The following FRMPD3 variants were observed in gnomAD, a reference collection of about 807,000 sequenced individuals.
FRMPD3 encodes the protein FERM and PDZ domain containing 3, also known as FERM and PDZ domain-containing protein 3.
A neutral mutation model predicts 97.9 loss-of-function variants in FRMPD3; 42 were observed. That is an observed-to-expected ratio of 0.43 (90% confidence interval 0.34 to 0.55). The LOEUF is 0.55. FRMPD3 is among the 20% of genes least tolerant of loss of function. The pLI is 0.03. For missense variants in FRMPD3, 1,303 were observed against 1,457.7 expected, an observed-to-expected ratio of 0.89 and a Z score of 1.73; for synonymous variants, 577 against 581.1, an observed-to-expected ratio of 0.99 and a Z score of 0.10.
chrX:107,554,147 T>A (rs1921980084), intron 7 of FRMPD3, among the ~76,000 whole-genome samples: 1 of 111,376 alleles, frequency 9.0e-6, no homozygotes, highest in South Asian at 3.8e-4. Context: ...AAAGGTCATG[T>A]CCTAGATAAG....
At chrX:107,596,125 A>G (rs1447410741) in intron 13 of FRMPD3, among the ~76,000 whole-genome samples, 2 of 110,888 alleles carry the variant, frequency 1.8e-5, no homozygotes, top group Admixed American at 9.7e-5. Context: ...GAAAGGCAAC[A>G]CTGGCATATT....
intron 1 of FRMPD3, among the ~76,000 whole-genome samples, chrX:107,503,948 G>C (rs1281727737): frequency 8.9e-6 from 1 of 112,513 alleles, no homozygotes; most frequent in Non-Finnish European, 1.9e-5. Context: ...ATTTCCCCAG[G>C]AGACCGCACA....
chrX:107,593,958 G>A (rs982966073), intron 13 of FRMPD3, among the ~76,000 whole-genome samples: 9 of 111,655 alleles, frequency 8.1e-5, no homozygotes, highest in South Asian at 3.7e-4. Context: ...TTTGCAGATC[G>A]CTTTTAGCAG....
chrX:107,552,338 A>G (rs1921898062), intron 6 of FRMPD3, among the ~76,000 whole-genome samples: 1 of 112,520 alleles, frequency 8.9e-6, no homozygotes, highest in African/African-American at 3.2e-5. Flanking sequence ...ATGCTTTTTA[A>G]TCATATAAAT....
intron 1 of FRMPD3, among the ~76,000 whole-genome samples, chrX:107,489,298 G>A (rs1323368931): frequency 2.7e-5 from 3 of 110,400 alleles, no homozygotes; most frequent in African/African-American, 6.6e-5. Context: ...ATAAACATAC[G>A]TGTGCATGTG....
At chrX:107,451,412 G>A (rs923230027) in intron 1 of FRMPD3, among the ~76,000 whole-genome samples, 35 of 112,154 alleles carry the variant, frequency 3.1e-4, no homozygotes, top group African/African-American at 1.0e-3. Flanking sequence ...CTCCACCTGG[G>A]CCTAGAGGAC....
At position 107,554,402 on chromosome X, in the gene FRMPD3, C is replaced by T; in HGVS notation, c.660C>T (p.His220=). Residue 220 remains histidine, a synonymous_variant, in exon 8 of 15, where the codon CAC becomes CAT. Transcript: ENST00000683843. Reference sequence around the variant, plus strand: ...GAATTCAGGTGGTACAGCGGACACACTATCATGGAATGAAATGCCTCTTCC... The same window carrying T: ...GAATTCAGGTGGTACAGCGGACACATTATCATGGAATGAAATGCCTCTTCC... ...QPLAYVVQRT[H]YHGMKCLFRI... is the part of the protein sequence containing the mutation. 3 of 1,209,211 alleles carry T rather than the reference C, an allele frequency of 2.5e-6. No individual in the cohort carries two copies. The highest frequency in any genetic ancestry group is 3.0e-5 in the East Asian group (1 of 33,794).
At chrX:107,511,719 G>C (rs1276394728) in intron 1 of FRMPD3, among the ~76,000 whole-genome samples, 1 of 112,602 alleles carries the variant, frequency 8.9e-6, no homozygotes, top group Admixed American at 9.3e-5. Context: ...CTACTTGTTG[G>C]GAAGTTCCCA....
rs759468155 is a variant in FRMPD3, at chrX:107,603,177, G to A, written c.5138G>A (p.Arg1713His). The change falls in exon 15 of 15, where the codon CGT (arginine) becomes CAT (histidine). Residue 1713 changes from arginine to histidine, a missense_variant. Transcript: ENST00000683843. Reference protein sequence around the residue: ...LLRAAEESTARNLNQQQQQQQ... With the variant: ...LLRAAEESTAHNLNQQQQQQQ... ...CGTGCAGCTGAGGAGTCCACAGCCC[G>A]TAACCTTAACCAGCAGCAGCAGCAA... The A allele has an allele frequency of 1.9e-5, 20 of 1,071,623 alleles. No individual in the cohort carries two copies. Among genetic ancestry groups the A allele is most frequent in the Admixed American group, 6.1e-5 (2 of 32,709 alleles). The allele number at this position is 1,071,623 out of a possible 1,213,427, so 88.3% of individuals were successfully genotyped here.
chrX:107,566,066 A>G (rs753515791), intron 12 of FRMPD3, among the ~76,000 whole-genome samples: 1 of 111,978 alleles, frequency 8.9e-6, no homozygotes, highest in Admixed American at 9.4e-5. Flanking sequence ...CCATAGATCA[A>G]CTCCTTCGGA....
chrX:107,538,004 A>T (rs1921079367), intron 4 of FRMPD3, among the ~76,000 whole-genome samples: 1 of 111,153 alleles, frequency 9.0e-6, no homozygotes, highest in South Asian at 3.8e-4. Context: ...GATGAAGACG[A>T]TAGGGGGCAG....
chrX:107,549,747 C>G (rs1335288658), intron 5 of FRMPD3, among the ~76,000 whole-genome samples: 3 of 111,507 alleles, frequency 2.7e-5, no homozygotes, highest in African/African-American at 9.8e-5. Flanking sequence ...TCTCATCAGC[C>G]CTTCAGCGGG....
chrX:107,573,375 C>T (rs142230945), intron 12 of FRMPD3, among the ~76,000 whole-genome samples: 1 of 111,750 alleles, frequency 8.9e-6, no homozygotes, highest in East Asian at 2.8e-4. Context: ...ATCCTTCTGC[C>T]ATCAGTGGCA....
intron 1 of FRMPD3, among the ~76,000 whole-genome samples, chrX:107,478,310 T>C (rs1438908846): frequency 8.9e-6 from 1 of 111,788 alleles, no homozygotes; most frequent in Non-Finnish European, 1.9e-5. Flanking sequence ...ATATGGACAT[T>C]TATATACAGC....
intron 1 of FRMPD3, among the ~76,000 whole-genome samples, chrX:107,466,989 GGTGTGTGTGT>G (rs773231357): frequency 5.1e-5 from 5 of 98,160 alleles, no homozygotes; most frequent in African/African-American, 1.2e-4. Flanking sequence ...ACAGGTTGGA[GGTGTGTGTGT>G]GTGTGTGTGT....
At chrX:107,475,924 G>T (rs965629609) in intron 1 of FRMPD3, among the ~76,000 whole-genome samples, 2 of 111,866 alleles carry the variant, frequency 1.8e-5, no homozygotes, top group East Asian at 5.6e-4. Context: ...TTGCTTTGTC[G>T]CCAGGCTGGA....
At chrX:107,537,812 G>T (rs1230752789) in intron 4 of FRMPD3, among the ~76,000 whole-genome samples, 1 of 111,654 alleles carries the variant, frequency 9.0e-6, no homozygotes, top group Non-Finnish European at 1.9e-5. Context: ...TTGCAAATTT[G>T]CCTACTCCCA....
At chrX:107,580,697 A>G (rs1351448770) in intron 13 of FRMPD3, among the ~76,000 whole-genome samples, 1 of 111,418 alleles carries the variant, frequency 9.0e-6, no homozygotes, top group Admixed American at 9.6e-5. Flanking sequence ...ATGAACTTAT[A>G]GTTCATACTC....
At chrX:107,520,188 A>C (rs112754239) in intron 1 of FRMPD3, among the ~76,000 whole-genome samples, 1,762 of 110,987 alleles carry the variant, frequency 0.016, 46 homozygotes, top group African/African-American at 0.055. Flanking sequence ...GCATGTAGAA[A>C]GCCAGTTCTG....
Sources: allele counts gnomAD v4.1 joint callset (sites outside exome capture counted in the v4.1 genomes callset), GRCh38; gene constraint gnomAD v4.1.1; transcripts MANE v1.5; gene names NCBI Gene and HGNC (gene_info 2026-07-23, HGNC 2026-07-21).